Variants in NRIP1 observed in about 807,000 individuals in gnomAD.
NRIP1 encodes the protein nuclear receptor-interacting protein 1.
Under a neutral mutation model 75.0 loss-of-function variants are expected in NRIP1, and 28 were observed. The observed-to-expected ratio is 0.37, with a 90% confidence interval of 0.28 to 0.51. NRIP1 has a LOEUF of 0.51. Ranked by LOEUF, NRIP1 falls within the 20% of genes least tolerant of loss-of-function variation. The probability of loss-of-function intolerance (pLI) is 0.92; values close to 1 mark genes in which losing one functional copy is unlikely to be tolerated. For synonymous variants in NRIP1, 526 were observed against 487.6 expected, an observed-to-expected ratio of 1.08 and a Z score of -1.04; for missense variants, 1,435 against 1,343.7, an observed-to-expected ratio of 1.07 and a Z score of -1.06.
intron 3 of NRIP1, among the ~76,000 whole-genome samples, chr21:14,983,482 G>A (rs1600830555): frequency 6.6e-6 from 1 of 152,282 alleles, no homozygotes; most frequent in African/African-American, 2.4e-5. Flanking sequence ...ACTGCAAAGG[G>A]AAGCAGCAAA....
chr21:14,979,886 T>C (rs1160118216), intron 3 of NRIP1, among the ~76,000 whole-genome samples: 2 of 151,956 alleles, frequency 1.3e-5, no homozygotes, highest in South Asian at 2.1e-4. Flanking sequence ...TTGCTTGTTA[T>C]AACTGATCAT....
At chr21:15,031,288 CGGTTGG>C (rs2088681506) in intron 2 of NRIP1, among the ~76,000 whole-genome samples, 1 of 116,640 alleles carries the variant, frequency 8.6e-6, no homozygotes, top group Admixed American at 8.6e-5. Context: ...CTCTGGAAGG[CGGTTGG>C]AGGTTCACCA....
chr21:15,035,211 C>G (rs538906286), intron 2 of NRIP1, among the ~76,000 whole-genome samples: 7 of 152,250 alleles, frequency 4.6e-5, no homozygotes, highest in Admixed American at 2.0e-4. Context: ...GAAATATACC[C>G]TTTGTTTTAA....
intron 1 of NRIP1, among the ~76,000 whole-genome samples, chr21:15,064,401 G>C (rs1016020558): frequency 6.6e-6 from 1 of 152,040 alleles, no homozygotes; most frequent in Non-Finnish European, 1.5e-5. Context: ...TCGGGACCGA[G>C]AGGGCAAGCG....
chr21:15,043,808 C>T (rs1230573921), intron 1 of NRIP1, among the ~76,000 whole-genome samples: 1 of 151,690 alleles, frequency 6.6e-6, no homozygotes, highest in Non-Finnish European at 1.5e-5. Flanking sequence ...AATACACTAC[C>T]CAATTGTTTT....
At position 14,983,449 on chromosome 21, in the gene NRIP1, G is replaced by A. The variant is rs1028243989; in HGVS notation, c.-334-14923C>T. Among the ~76,000 whole-genome samples, 4 of 152,086 alleles carry A rather than the reference G, an allele frequency of 2.6e-5. No homozygotes were observed. In the East Asian group the frequency reaches 5.8e-4, roughly 22 times the overall value. ...AGGAAGCGGCAGAGGTGGCTCATAC[G>A]ATTTAAGGGAGAAAACAATAAAACT... On this transcript the variant is annotated intron_variant, in intron 3 of 3. Coordinates refer to ENST00000318948, the MANE Select transcript of NRIP1 (RefSeq NM_003489.4).
intron 3 of NRIP1, among the ~76,000 whole-genome samples, chr21:14,986,965 A>T: frequency 6.6e-6 from 1 of 152,200 alleles, no homozygotes; most frequent in East Asian, 1.9e-4. Context: ...TCATAATTTA[A>T]AGGTTGGGAG....
chr21:15,031,044 G>C (rs1453172224), intron 2 of NRIP1, among the ~76,000 whole-genome samples: 1 of 124,416 alleles, frequency 8.0e-6, no homozygotes, highest in South Asian at 3.1e-4. Context: ...AAGGCGGTTG[G>C]AGGTTCACTA....
rs927720760 is a variant in NRIP1, at chr21:14,961,299, AC to A, written c.*3416del. ...GAAGTAAACACTAAAAGATTAAAAA[AC>A]AAAACAAAAAAATTCACACTGCAGT... On this transcript the variant is annotated 3_prime_UTR_variant, in exon 4 of 4. Transcript: ENST00000318948. 13 of 152,506 alleles carry A rather than the reference AC, an allele frequency of 8.5e-5. No individual in the cohort carries two copies. The highest frequency in any genetic ancestry group is 2.9e-4 in the African/African-American group (12 of 41,476). The allele number at this position is 152,506 out of a possible 1,614,324, so 9.4% of individuals were successfully genotyped here.
chr21:14,972,883 G>A (rs2086941182), intron 3 of NRIP1, among the ~76,000 whole-genome samples: 1 of 152,206 alleles, frequency 6.6e-6, no homozygotes, highest in Non-Finnish European at 1.5e-5. Flanking sequence ...GTGACAGGAG[G>A]CGGAGCTCAG....
chr21:15,014,816 C>A (rs747630175), intron 2 of NRIP1, among the ~76,000 whole-genome samples: 1 of 141,032 alleles, frequency 7.1e-6, no homozygotes. Flanking sequence ...TCCTCCTAAA[C>A]GTGTATTTCT....
In NRIP1 at chr21:14,963,251, T is replaced by C. The variant is rs1257440290; in HGVS notation, c.*1465A>G. Reference sequence around the variant, plus strand: ...TTTGTTGGCATTGTTCTTAGGACAATGGTTTTAATAAAGGTTAAGGATGCA... The same window carrying C: ...TTTGTTGGCATTGTTCTTAGGACAACGGTTTTAATAAAGGTTAAGGATGCA... On this transcript the variant is annotated 3_prime_UTR_variant, in exon 4 of 4. Transcript: ENST00000318948. The C allele has an allele frequency of 6.6e-6, 1 of 152,586 alleles. No homozygotes were observed. The highest frequency in any genetic ancestry group is 2.1e-4 in the South Asian group (1 of 4,830). 9.5% of individuals were successfully genotyped at this position (152,586 alleles called of 1,614,324 possible).
intron 3 of NRIP1, among the ~76,000 whole-genome samples, chr21:15,004,580 C>T (rs1441794344): frequency 1.3e-5 from 2 of 152,240 alleles, no homozygotes; most frequent in Non-Finnish European, 2.9e-5. Flanking sequence ...CATGGGGAAA[C>T]AAGCCCCACC....
intron 2 of NRIP1, among the ~76,000 whole-genome samples, chr21:15,024,687 A>G (rs1036084069): frequency 1.3e-5 from 2 of 151,872 alleles, no homozygotes; most frequent in Non-Finnish European, 2.9e-5. Flanking sequence ...GAGCTCAAGC[A>G]GGATGAGGTT....
chr21:15,001,899 T>C (rs1458757691), intron 3 of NRIP1, among the ~76,000 whole-genome samples: 1 of 152,182 alleles, frequency 6.6e-6, no homozygotes, highest in African/African-American at 2.4e-5. Flanking sequence ...CCTCACATGT[T>C]TCAAGCAGGG....
chr21:14,982,089 A>T (rs2147019937), intron 3 of NRIP1, among the ~76,000 whole-genome samples: 1 of 152,156 alleles, frequency 6.6e-6, no homozygotes, highest in South Asian at 2.1e-4. Flanking sequence ...GGCTCAAGAG[A>T]TCCTCCTGCC....
intron 1 of NRIP1, among the ~76,000 whole-genome samples, chr21:15,049,504 G>A (rs1309714441): frequency 4.0e-5 from 6 of 151,852 alleles, no homozygotes; most frequent in Non-Finnish European, 7.4e-5. Flanking sequence ...ACACAAACAA[G>A]GTATTATTGG....
At chr21:14,974,534 C>A (rs1328410032) in intron 3 of NRIP1, among the ~76,000 whole-genome samples, 2 of 152,148 alleles carry the variant, frequency 1.3e-5, no homozygotes, top group South Asian at 2.1e-4. Flanking sequence ...TCTTTACAAT[C>A]TCCTCTATCA....
intron 1 of NRIP1, among the ~76,000 whole-genome samples, chr21:15,048,659 C>T (rs1839140897): frequency 1.3e-5 from 2 of 152,138 alleles, no homozygotes; most frequent in Non-Finnish European, 2.9e-5. Flanking sequence ...AAAATTTAAC[C>T]TTATTTTGAC....
Sources: allele counts gnomAD v4.1 joint callset (sites outside exome capture counted in the v4.1 genomes callset), GRCh38; gene constraint gnomAD v4.1.1; transcripts MANE v1.5; gene names NCBI Gene and HGNC (gene_info 2026-07-23, HGNC 2026-07-21).